DCTN1: variants seen among roughly 807,000 people sequenced by gnomAD.
DCTN1 encodes 150 kDa dynein-associated polypeptide.
In DCTN1, 61 loss-of-function variants were observed where a neutral mutation model predicts 161.2. That is an observed-to-expected ratio of 0.38 (90% CI 0.31 to 0.47). DCTN1 has a LOEUF of 0.47. Among genes scored for constraint, DCTN1 ranks in the 20% least tolerant of loss-of-function variants. The pLI is 0.99. For synonymous variants in DCTN1, 653 were observed against 632.4 expected (o/e 1.03, Z -0.49); for missense variants, 1,404 against 1,623.7 (o/e 0.86, Z 2.33).
At chr2:74,376,793 G>T in intron 4 of DCTN1, 31 bp from the exon 5 acceptor site, 1 of 1,594,112 alleles carries the variant, frequency 6.3e-7, no homozygotes, top group East Asian at 2.3e-5. Context: ...GGCAGAGTTA[G>T]AGAACAGATG....
intron 7 of DCTN1, among the ~76,000 whole-genome samples, chr2:74,372,620 C>T (rs138860401): frequency 6.5e-4 from 99 of 152,366 alleles, no homozygotes; most frequent in African/African-American, 2.3e-3. Context: ...ATCTTTCTTC[C>T]AATCCCTCCC....
intron 25 of DCTN1, 76 bp downstream of exon 25, chr2:74,365,439 G>A: frequency 6.2e-7 from 1 of 1,607,334 alleles, no homozygotes; most frequent in Non-Finnish European, 8.5e-7. Flanking sequence ...ACCTGAGTAG[G>A]GGTATGGGTT....
At chr2:74,375,652 T>C (rs774315446) in intron 5 of DCTN1, among the ~76,000 whole-genome samples, 1 of 152,084 alleles carries the variant, frequency 6.6e-6, no homozygotes, top group Non-Finnish European at 1.5e-5. Flanking sequence ...TGAGGTGAAA[T>C]GGAAGCCCCA....
intron 29 of DCTN1, 47 bp from the exon 30 acceptor site, chr2:74,362,776 A>C (rs112163732): frequency 1.5e-5 from 23 of 1,579,366 alleles, no homozygotes; most frequent in African/African-American, 6.7e-5. Context: ...GCAGGCAGGC[A>C]GTTCTACTGG....
chr2:74,376,418 G>T (rs1675227508), intron 5 of DCTN1, among the ~76,000 whole-genome samples: 1 of 152,182 alleles, frequency 6.6e-6, no homozygotes, highest in Admixed American at 6.5e-5. Context: ...GGCTAAGTGA[G>T]AACACACTGT....
upstream of DCTN1, among the ~76,000 whole-genome samples, chr2:74,380,740 A>G (rs1331088792): frequency 6.6e-6 from 1 of 152,236 alleles, no homozygotes; most frequent in Non-Finnish European, 1.5e-5. Context: ...GGCCCTGCCC[A>G]GGAGGCAGCA....
intron 28 of DCTN1, 27 bp from the exon 29 acceptor site, chr2:74,363,204 G>A: frequency 1.9e-6 from 3 of 1,614,030 alleles, no homozygotes; most frequent in Non-Finnish European, 1.7e-6. Flanking sequence ...AAGGATAGTG[G>A]TAAGAGGTGC....
At chr2:74,365,719 G>C (rs1359968213) in intron 24 of DCTN1, 62 bp from the exon 25 acceptor site, 1 of 1,613,224 alleles carries the variant, frequency 6.2e-7, no homozygotes, top group Non-Finnish European at 8.5e-7. Context: ...GAAACTGGGG[G>C]CTAGACCATG....
At chr2:74,375,133 G>T (rs1177922634) in intron 5 of DCTN1, among the ~76,000 whole-genome samples, 1 of 152,156 alleles carries the variant, frequency 6.6e-6, no homozygotes, top group Admixed American at 6.5e-5. Flanking sequence ...CAGCTCTGAG[G>T]AGCACACACA....
chr2:74,361,555 G>A lies in DCTN1; in HGVS notation c.3781C>T (p.Arg1261Trp), dbSNP rs768025820. Residue 1261 changes from arginine (R) to tryptophan (W), a missense_variant, in exon 32 of 32, where the codon CGG becomes TGG. By Grantham distance (101) the Arg-to-Trp change is moderately radical (BLOSUM62 -3). Transcript: ENST00000628224. ...AGCTGCTCCTGGGTCAGCACCAGCCGGTGTCGCTGTCCAAAACCAGCCGCA... is the reference window on the plus strand; with the variant it reads ...AGCTGCTCCTGGGTCAGCACCAGCCAGTGTCGCTGTCCAAAACCAGCCGCA... ...SCAAGFGQRH[R>W]LVLTQEQLHQ... 1.5e-5 allele frequency: 24 copies of A among 1,613,958 alleles called. No homozygotes were observed. The highest frequency in any genetic ancestry group is 3.3e-5 in the South Asian group (3 of 91,082).
chr2:74,375,091 C>T (rs1443371184), intron 5 of DCTN1, among the ~76,000 whole-genome samples: 1 of 152,072 alleles, frequency 6.6e-6, no homozygotes, highest in Non-Finnish European at 1.5e-5. Context: ...ATCTGGCACA[C>T]ACATCTAGAG....
At chr2:74,367,317 C>T in intron 19 of DCTN1, 35 bp downstream of exon 19, 2 of 1,612,222 alleles carry the variant, frequency 1.2e-6, no homozygotes, top group Non-Finnish European at 1.7e-6. Context: ...TTTCTGATCT[C>T]CACGGGGGCT....
chr2:74,372,824 T>G, intron 7 of DCTN1, 104 bp downstream of exon 7: 2 of 1,181,706 alleles, frequency 1.7e-6, no homozygotes, highest in Non-Finnish European at 2.5e-6. Context: ...CAGGATACAC[T>G]ATGACGAACT....
upstream of DCTN1, among the ~76,000 whole-genome samples, chr2:74,381,070 A>T (rs1311807423): frequency 6.6e-6 from 1 of 152,170 alleles, no homozygotes; most frequent in Non-Finnish European, 1.5e-5. Flanking sequence ...TTTGTATTTC[A>T]CAAAAATTCT....
chr2:74,362,968 C>A, intron 29 of DCTN1, 26 bp downstream of exon 29: 1 of 1,606,868 alleles, frequency 6.2e-7, no homozygotes, highest in Non-Finnish European at 8.5e-7. Flanking sequence ...CAGTTTTATT[C>A]ATCTTGGGGG....
intron 31 of DCTN1, 149 bp from the exon 32 acceptor site, chr2:74,361,785 A>G (rs1420814288): frequency 4.8e-6 from 5 of 1,034,324 alleles, no homozygotes; most frequent in East Asian, 2.5e-5. Context: ...CATTTTTCAA[A>G]TAAGAATGGG....
intron 15 of DCTN1, 26 bp from the exon 16 acceptor site, chr2:74,368,906 T>A: frequency 6.2e-7 from 1 of 1,613,916 alleles, no homozygotes. Flanking sequence ...GGAGGAGGAC[T>A]CTTAGCCAGA....
At chr2:74,375,355 C>T (rs1364398697) in intron 5 of DCTN1, among the ~76,000 whole-genome samples, 2 of 152,258 alleles carry the variant, frequency 1.3e-5, no homozygotes, top group African/African-American at 4.8e-5. Flanking sequence ...GCTCCCTGAT[C>T]CACATGGGTG....
intron 1 of DCTN1, among the ~76,000 whole-genome samples, chr2:74,379,683 G>C (rs942495243): frequency 6.6e-5 from 10 of 152,226 alleles, no homozygotes; most frequent in Middle Eastern, 3.4e-3. Context: ...CTTAAGAAAG[G>C]CTTCACTGTA....
Sources: allele counts gnomAD v4.1 joint callset (sites outside exome capture counted in the v4.1 genomes callset), GRCh38; gene constraint gnomAD v4.1.1; transcripts MANE v1.5; gene names NCBI Gene and HGNC (gene_info 2026-07-23, HGNC 2026-07-21).